Variants in PLCL2 observed in about 807,000 individuals in gnomAD.
The protein encoded by PLCL2 is inactive phospholipase C-like protein 2.
PLCL2 carries 4 observed loss-of-function variants against 79.6 expected under a neutral mutation model. The ratio of observed to expected loss-of-function variants is 0.05; its 90% CI spans 0.02 to 0.11. The LOEUF (loss-of-function observed/expected upper bound fraction) is 0.11. Among genes scored for constraint, PLCL2 ranks in the 10% least tolerant of loss-of-function variants. The pLI is 1.00. For missense variants in PLCL2, 895 were observed against 1,291.0 expected, an observed-to-expected ratio of 0.69 and a Z score of 4.70; for synonymous variants, 484 against 457.7, an observed-to-expected ratio of 1.06 and a Z score of -0.73.
chr3:16,910,063 G>A lies in PLCL2; in HGVS notation c.327+24697G>A, dbSNP rs551156510. Among the ~76,000 whole-genome samples, 48 of 152,258 alleles carry A rather than the reference G, an allele frequency of 3.2e-4. 2 individuals carry two copies. In the South Asian group the frequency reaches 9.7e-3, roughly 31 times the overall value. ...TCCCTCCTCAGCTAATTCATAAGCA[G>A]CTCTCCCCACCTCTCCTGTAGCACC... is the stretch of plus-strand genomic sequence containing the variant. On this transcript the variant is annotated intron_variant, in intron 1 of 5. Transcript: ENST00000615277.
chr3:17,041,072 C>T lies in PLCL2; in HGVS notation c.3019-1802C>T, dbSNP rs116078906. 5.9e-3 allele frequency among the ~76,000 whole-genome samples: 894 copies of T among 152,264 alleles called. 10 individuals are homozygous for T. The highest frequency in any genetic ancestry group is 0.02 in the African/African-American group (848 of 41,548). ...TTGACATCAAAGCTGAAAAAGGTTA[C>T]TGATGACGGTATGGACCTTTTCAAT... On this transcript the variant is annotated intron_variant, in intron 3 of 5. Transcript: ENST00000615277.
intron 1 of PLCL2, among the ~76,000 whole-genome samples, chr3:16,983,174 T>G (rs80015088): frequency 0.011 from 1,641 of 152,372 alleles, 30 homozygotes; most frequent in Admixed American, 0.046. Context: ...TAGTTGTTAC[T>G]AAAGGATGTG....
intron 1 of PLCL2, among the ~76,000 whole-genome samples, chr3:16,981,477 G>T (rs1186627548): frequency 6.6e-6 from 1 of 152,112 alleles, no homozygotes; most frequent in African/African-American, 2.4e-5. Flanking sequence ...TGTTAACGGG[G>T]CATCATATGG....
chr3:17,083,503 T>C (rs987532223), intron 5 of PLCL2, among the ~76,000 whole-genome samples: 1 of 152,098 alleles, frequency 6.6e-6, no homozygotes, highest in Admixed American at 6.5e-5. Context: ...TCTAAGTTAT[T>C]TGGGGAGCTG....
intron 4 of PLCL2, among the ~76,000 whole-genome samples, chr3:17,046,596 A>C (rs2064782870): frequency 6.6e-6 from 1 of 152,348 alleles, no homozygotes; most frequent in African/African-American, 2.4e-5. Context: ...GAATTAACAA[A>C]TGCTTTTAAT....
chr3:17,073,945 G>A lies in PLCL2; in HGVS notation c.3204+5880G>A, dbSNP rs950875362. ...CCCATCCAAGTCAACCATGAGGGCTGGGATCAACTTCCTCCAAAATCAGCT... is the reference window on the plus strand; with the variant it reads ...CCCATCCAAGTCAACCATGAGGGCTAGGATCAACTTCCTCCAAAATCAGCT... On this transcript the variant is annotated intron_variant, in intron 5 of 5. Coordinates refer to ENST00000615277, the MANE Select transcript of PLCL2 (RefSeq NM_001144382.2). Among the ~76,000 whole-genome samples, 5 of 152,158 alleles carry A rather than the reference G, an allele frequency of 3.3e-5. No homozygotes were observed. The South Asian group carries it at 8.3e-4, about 25-fold the overall frequency.
At chr3:16,914,042 A>G (rs1042640330) in intron 1 of PLCL2, among the ~76,000 whole-genome samples, 13 of 152,218 alleles carry the variant, frequency 8.5e-5, no homozygotes, top group African/African-American at 2.9e-4. Flanking sequence ...TGTTGTCATA[A>G]TGTTTTAAAT....
intron 1 of PLCL2, among the ~76,000 whole-genome samples, chr3:16,920,055 G>C (rs1378236518): frequency 6.6e-6 from 1 of 152,124 alleles, no homozygotes; most frequent in Admixed American, 6.5e-5. Flanking sequence ...GTAGAAATCA[G>C]TGAGGCAAAT....
intron 1 of PLCL2, among the ~76,000 whole-genome samples, chr3:16,913,910 A>G (rs548703767): frequency 6.6e-6 from 1 of 152,336 alleles, no homozygotes; most frequent in Admixed American, 6.5e-5. Context: ...AAATACAGGG[A>G]CTGTAGCATT....
At chr3:17,000,478 A>C (rs373950016) in intron 1 of PLCL2, among the ~76,000 whole-genome samples, 1 of 152,276 alleles carries the variant, frequency 6.6e-6, no homozygotes, top group South Asian at 2.1e-4. Context: ...CTTTTGAAAT[A>C]TACAATAAAG....
chr3:16,981,234 A>G (rs1007125222), intron 1 of PLCL2, among the ~76,000 whole-genome samples: 3 of 152,246 alleles, frequency 2.0e-5, no homozygotes, highest in Non-Finnish European at 4.4e-5. Context: ...ATTAATCAAT[A>G]ATATATTGAT....
chr3:16,893,993 A>G (rs368631330), intron 1 of PLCL2, among the ~76,000 whole-genome samples: 1 of 152,296 alleles, frequency 6.6e-6, no homozygotes, highest in South Asian at 2.1e-4. Flanking sequence ...CCCTATGAGC[A>G]TTGCTGATGA....
chr3:16,921,997 A>T (rs1458333978), intron 1 of PLCL2, among the ~76,000 whole-genome samples: 1 of 152,228 alleles, frequency 6.6e-6, no homozygotes, highest in Non-Finnish European at 1.5e-5. Context: ...GAGAGAAAAA[A>T]GTTGCATGCA....
chr3:16,901,400 C>G, intron 1 of PLCL2, among the ~76,000 whole-genome samples: 1 of 152,104 alleles, frequency 6.6e-6, no homozygotes, highest in East Asian at 1.9e-4. Context: ...GAGAGCAGGA[C>G]TCCACTCCAT....
chr3:17,038,863 C>G (rs1293737730), intron 3 of PLCL2, among the ~76,000 whole-genome samples: 1 of 152,108 alleles, frequency 6.6e-6, no homozygotes, highest in Non-Finnish European at 1.5e-5. Context: ...ACTCATGTGT[C>G]AAGACCTATA....
chr3:16,923,294 G>C lies in PLCL2; in HGVS notation c.327+37928G>C, dbSNP rs367805742. Among the ~76,000 whole-genome samples, 22 of 152,320 alleles carry C rather than the reference G, an allele frequency of 1.4e-4. No individual in the cohort carries two copies. In the East Asian group the frequency reaches 2.7e-3, roughly 19 times the overall value. Reference sequence around the variant, plus strand: ...GGGGCAGGCAGCTGGTTAGCTGGAGGGCAGGTATCACATCAGGTGATCTAG... The same window carrying C: ...GGGGCAGGCAGCTGGTTAGCTGGAGCGCAGGTATCACATCAGGTGATCTAG... On this transcript the variant is annotated intron_variant, in intron 1 of 5. Coordinates refer to ENST00000615277, the MANE Select transcript of PLCL2 (RefSeq NM_001144382.2).
chr3:16,903,933 C>G (rs1193331672), intron 1 of PLCL2, among the ~76,000 whole-genome samples: 6 of 152,204 alleles, frequency 3.9e-5, no homozygotes, highest in Non-Finnish European at 7.3e-5. Flanking sequence ...TTCTTCATTA[C>G]AATCACATGT....
At position 16,930,696 on chromosome 3, in the gene PLCL2, A is replaced by G. The variant is rs570711415; in HGVS notation, c.327+45330A>G. Among the ~76,000 whole-genome samples the G allele has an allele frequency of 2.6e-5, 4 of 152,200 alleles. No homozygotes were observed. The South Asian group carries it at 8.3e-4, about 32-fold the overall frequency. ...ATGACTCCTCAGTTCTGTGAACCCC[A>G]TCATCCCTCCTAATCTCAAGTCGCT... On this transcript the variant is annotated intron_variant, in intron 1 of 5. Coordinates refer to ENST00000615277, the MANE Select transcript of PLCL2 (RefSeq NM_001144382.2).
At chr3:17,069,968 G>A (rs997727045) in intron 5 of PLCL2, among the ~76,000 whole-genome samples, 2 of 152,196 alleles carry the variant, frequency 1.3e-5, no homozygotes, top group African/African-American at 2.4e-5. Context: ...CTGGTCAGAG[G>A]TGGGGGGTAC....
Sources: gnomAD v4.1 joint callset for allele counts (sites outside exome capture counted in the v4.1 genomes callset) on GRCh38, gnomAD v4.1.1 for gene constraint, MANE v1.5 for transcripts, NCBI Gene and HGNC (gene_info 2026-07-23, HGNC 2026-07-21) for gene names.